The following RNF151 variants were observed in gnomAD, a reference collection of about 807,000 sequenced individuals.
The protein encoded by RNF151 is ring finger protein 151.
In RNF151, 9 loss-of-function variants were observed where a neutral mutation model predicts 11.1. That is an observed-to-expected ratio of 0.81 (90% CI 0.49 to 1.42). The LOEUF (loss-of-function observed/expected upper bound fraction) is 1.42. Among genes scored for constraint, RNF151 ranks in the 40% most tolerant of loss-of-function variants. The probability of loss-of-function intolerance (pLI) is 0.00; values close to 1 mark genes in which losing one functional copy is unlikely to be tolerated. For synonymous variants in RNF151, 172 were observed against 140.7 expected (o/e 1.22, Z -1.58); for missense variants, 372 against 342.9 (o/e 1.08, Z -0.67).
Position 1,968,425 on chromosome 16 carries a change from C to A in RNF151, c.247-9C>A. The A allele has an allele frequency of 1.3e-6, 2 of 1,535,058 alleles. No individual in the cohort carries two copies. Among genetic ancestry groups the A allele is most frequent in the Non-Finnish European group, 1.8e-6 (2 of 1,137,354 alleles). ...CCCGGTTTCTTCACACGTTCTCCTT[C>A]ACCCTCAGTGCAAGAACGCCGACGC... On this transcript the variant is annotated splice_polypyrimidine_tract_variant and intron_variant, in intron 3 of 3. Transcript: ENST00000569714.
chr16:1,967,282 G>A lies in RNF151; in HGVS notation c.12G>A (p.Gly4=). The A allele has an allele frequency of 1.2e-6, 2 of 1,613,146 alleles. No homozygotes were observed. Among genetic ancestry groups the A allele is most frequent in the Non-Finnish European group, 1.7e-6 (2 of 1,179,712 alleles). The part of the protein sequence containing the change: MGG[G]YDLNLFASPP... Reference sequence around the variant, plus strand: ...ACACCTGGCCTTTGCAGGGTGGCGGGTATGATCTCAACCTCTTCGCCAGCC... The same window carrying A: ...ACACCTGGCCTTTGCAGGGTGGCGGATATGATCTCAACCTCTTCGCCAGCC... Residue 4 remains glycine, a synonymous_variant, in exon 2 of 4, where the codon GGG becomes GGA. Coordinates refer to ENST00000569714, the MANE Select transcript of RNF151 (RefSeq NM_174903.6).
chr16:1,967,273 G>C lies in RNF151; in HGVS notation c.4-1G>C, dbSNP rs780977748. Reference sequence around the variant, plus strand: ...CAGGTGCTGACACCTGGCCTTTGCAGGGTGGCGGGTATGATCTCAACCTCT... The same window carrying C: ...CAGGTGCTGACACCTGGCCTTTGCACGGTGGCGGGTATGATCTCAACCTCT... On this transcript the variant is annotated splice_acceptor_variant, in intron 1 of 3. Transcript: ENST00000569714. LOFTEE classifies it high-confidence loss of function. The C allele has an allele frequency of 1.2e-6, 2 of 1,612,654 alleles. No individual in the cohort carries two copies. Among genetic ancestry groups the C allele is most frequent in the East Asian group, 4.5e-5 (2 of 44,874 alleles).
chr16:1,967,671 AC>A, intron 2 of RNF151, 53 bp from the exon 3 acceptor site: 1 of 1,428,726 alleles, frequency 7.0e-7, no homozygotes. Flanking sequence ...TGAGGGCTTG[AC>A]CAGGGCTCCC....
In RNF151 at chr16:1,968,536, G is replaced by A. The variant is rs768275377; in HGVS notation, c.349G>A (p.Gly117Ser). 4.3e-6 allele frequency: 7 copies of A among 1,609,372 alleles called. No homozygotes were observed. Among genetic ancestry groups the A allele is most frequent in the Non-Finnish European group, 4.2e-6 (5 of 1,178,546 alleles). Residue 117 changes from glycine (G) to serine (S), a missense_variant, in exon 4 of 4, where the codon GGC becomes AGC. Gly to Ser is a moderately conservative substitution (Grantham distance 56). Transcript: ENST00000569714. ...TGAGCTAACGGCCTGCCCCAACGAG[G>A]GCTGCACCTCGCAGGTGCCGCGTGG... ...PFELTACPNE[G>S]CTSQVPRGTL...
At chr16:1,968,393 T>C in intron 3 of RNF151, 41 bp from the exon 4 acceptor site, 2 of 1,478,636 alleles carry the variant, frequency 1.4e-6, no homozygotes, top group Non-Finnish European at 1.8e-6. Flanking sequence ...ATTCCGTGGG[T>C]GTCCTGCCCG....
At chr16:1,967,492 G>A in intron 2 of RNF151, 73 bp downstream of exon 2, 1 of 1,403,750 alleles carries the variant, frequency 7.1e-7, no homozygotes. Context: ...CCAGAACAGA[G>A]GGGAAAGTCA....
chr16:1,967,004 C>G (rs769028666), intron 1 of RNF151, 120 bp downstream of exon 1: 4 of 1,225,140 alleles, frequency 3.3e-6, no homozygotes, highest in Non-Finnish European at 4.6e-6. Context: ...GGTTGCAGAC[C>G]CCCATATGGT....
intron 1 of RNF151, among the ~76,000 whole-genome samples, 180 bp downstream of exon 1, chr16:1,967,064 GC>G (rs765891330): frequency 1.7e-4 from 26 of 152,146 alleles, no homozygotes; most frequent in African/African-American, 2.9e-4. Context: ...CCAGGCTAAG[GC>G]CCCCGTCTCC....
chr16:1,968,889 G>C lies in RNF151; in HGVS notation c.702G>C (p.Val234=). The stretch of plus-strand genomic sequence containing the variant: ...CAGAAGGCAACGTTGGGGCTGAGGT[G>C]GTGGGGGAGCCCAGGGCCAACATAC... The part of the protein sequence containing the change: ...AAPEGNVGAE[V]VGEPRANIPC... The change falls in exon 4 of 4, where the codon GTG becomes GTC. Residue 234 remains valine (V), a synonymous_variant. Transcript: ENST00000569714. The C allele has an allele frequency of 6.3e-7, 1 of 1,599,922 alleles. No individual in the cohort carries two copies. Among genetic ancestry groups the C allele is most frequent in the Non-Finnish European group, 8.5e-7 (1 of 1,174,048 alleles).
intron 1 of RNF151, 104 bp downstream of exon 1, chr16:1,966,988 G>C: frequency 1.5e-6 from 2 of 1,333,934 alleles, no homozygotes; most frequent in East Asian, 4.7e-5. Context: ...GAAAGGGTGG[G>C]CAATGGGTTG....
In RNF151 at chr16:1,968,707, C is replaced by T. The variant is rs376089444; in HGVS notation, c.520C>T (p.Arg174Cys). 87 of 1,565,520 alleles carry T rather than the reference C, an allele frequency of 5.6e-5. No individual in the cohort carries two copies. Among genetic ancestry groups the T allele is most frequent in the African/African-American group, 2.8e-4 (21 of 73,724 alleles). ...LHNAWSVRQE[R>C]RRPLLLSLLR... is the part of the protein sequence containing the mutation. ...CAACGCCTGGAGCGTGCGCCAGGAG[C>T]GCCGTCGGCCCCTGCTGCTGTCCCT... Residue 174 changes from arginine (R) to cysteine (C), a missense_variant, in exon 4 of 4, where the codon CGC becomes TGC. Arg to Cys is a radical substitution (Grantham distance 180, BLOSUM62 -3). Transcript: ENST00000569714.
chr16:1,968,458 A>T lies in RNF151; in HGVS notation c.271A>T (p.Ile91Leu), dbSNP rs374534118. ...GTGCAAGAACGCCGACGCTGGCTGC[A>T]TAGTGACATGCCCCCTGGCCCATCG... Reference protein sequence around the residue: ...VKCKNADAGCIVTCPLAHRKG... With the variant: ...VKCKNADAGCLVTCPLAHRKG... The change falls in exon 4 of 4, where the codon ATA (isoleucine) becomes TTA (leucine). Residue 91 changes from isoleucine to leucine, a missense_variant. Physicochemically the swap from Ile to Leu is conservative, Grantham distance 5 (BLOSUM62 2). Transcript: ENST00000569714. 76 of 1,572,276 alleles carry T rather than the reference A, an allele frequency of 4.8e-5. No homozygotes were observed. The highest frequency in any genetic ancestry group is 1.7e-4 in the Middle Eastern group (1 of 5,936).
At chr16:1,967,579 C>T in intron 2 of RNF151, 146 bp from the exon 3 acceptor site, 1 of 914,392 alleles carries the variant, frequency 1.1e-6, no homozygotes, top group Non-Finnish European at 1.7e-6. Context: ...CAGACCCCGG[C>T]CCCACCCTCA....
At chr16:1,968,404 G>A (rs945609777) in intron 3 of RNF151, 30 bp from the exon 4 acceptor site, 5 of 1,498,866 alleles carry the variant, frequency 3.3e-6, no homozygotes, top group Non-Finnish European at 4.5e-6. Flanking sequence ...GTCCTGCCCG[G>A]TTTCTTCACA....
At position 1,968,738 on chromosome 16, in the gene RNF151, G is replaced by GGCGTGT. The variant is rs1567321843; in HGVS notation, c.555_560dup (p.Val186_Arg187dup). ...CGGCCCCTGCTGCTGTCCCTCCTGC[G>GGCGTGT]GCGTGTGCGCTGGCTGGACCAAGCC... On this transcript the variant is annotated inframe_insertion, in exon 4 of 4. Transcript: ENST00000569714. 1 of 1,572,898 alleles carries GGCGTGT rather than the reference G, an allele frequency of 6.4e-7. No homozygotes were observed. The highest frequency in any genetic ancestry group is 8.6e-7 in the Non-Finnish European group (1 of 1,160,100).
At position 1,968,462 on chromosome 16, in the gene RNF151, TGACA is replaced by T. The variant is rs761851680; in HGVS notation, c.276_279del (p.Thr93AlafsTer17). ...AAGAACGCCGACGCTGGCTGCATAG[TGACA>T]TGCCCCCTGGCCCATCGCAAGGGGC... is the stretch of plus-strand genomic sequence containing the variant. On this transcript the variant is annotated frameshift_variant, in exon 4 of 4. Coordinates refer to ENST00000569714, the MANE Select transcript of RNF151 (RefSeq NM_174903.6). LOFTEE classifies it low-confidence loss of function (END_TRUNC). The T allele has an allele frequency of 1.1e-5, 17 of 1,572,748 alleles. No individual in the cohort carries two copies. Among genetic ancestry groups the T allele is most frequent in the Non-Finnish European group, 1.3e-5 (15 of 1,154,828 alleles).
chr16:1,968,886 G>C lies in RNF151; in HGVS notation c.699G>C (p.Glu233Asp). Residue 233 changes from glutamate to aspartate, a missense_variant, in exon 4 of 4, where the codon GAG becomes GAC. Physicochemically the swap from Glu to Asp is conservative, Grantham distance 45. Transcript: ENST00000569714. The stretch of plus-strand genomic sequence containing the variant: ...CCCCAGAAGGCAACGTTGGGGCTGA[G>C]GTGGTGGGGGAGCCCAGGGCCAACA... Reference protein sequence around the residue: ...EAAPEGNVGAEVVGEPRANIP... With the variant: ...EAAPEGNVGADVVGEPRANIP... 1 of 1,600,272 alleles carries C rather than the reference G, an allele frequency of 6.2e-7. No individual in the cohort carries two copies. Among genetic ancestry groups the C allele is most frequent in the South Asian group, 1.1e-5 (1 of 88,582 alleles).
At position 1,968,736 on chromosome 16, in the gene RNF151, G is replaced by A. The variant is rs1463102250; in HGVS notation, c.549G>A (p.Leu183=). Residue 183 remains leucine, a synonymous_variant, in exon 4 of 4, where the codon CTG becomes CTA. Coordinates refer to ENST00000569714, the MANE Select transcript of RNF151 (RefSeq NM_174903.6). ...GTCGGCCCCTGCTGCTGTCCCTCCT[G>A]CGGCGTGTGCGCTGGCTGGACCAAG... ...ERRRPLLLSL[L]RRVRWLDQAT... is the part of the protein sequence containing the mutation. 11 of 1,571,616 alleles carry A rather than the reference G, an allele frequency of 7.0e-6. No individual in the cohort carries two copies. The highest frequency in any genetic ancestry group is 1.4e-5 in the African/African-American group (1 of 73,822).
Position 1,968,770 on chromosome 16 carries a change from G to GTCGT in RNF151, c.588_591dup (p.Arg198SerfsTer2). The GTCGT allele has an allele frequency of 6.3e-7, 1 of 1,586,774 alleles. No individual in the cohort carries two copies. Among genetic ancestry groups the GTCGT allele is most frequent in the East Asian group, 2.3e-5 (1 of 43,206 alleles). ...GCGCTGGCTGGACCAAGCCACCAGT[G>GTCGT]TCGTTCGTAGAGAGCTGGCGGAGCT... is the stretch of plus-strand genomic sequence containing the variant. On this transcript the variant is annotated frameshift_variant, in exon 4 of 4. Transcript: ENST00000569714. LOFTEE classifies it low-confidence loss of function (END_TRUNC).
Sources: allele counts gnomAD v4.1 joint callset (sites outside exome capture counted in the v4.1 genomes callset), GRCh38; gene constraint gnomAD v4.1.1; transcripts MANE v1.5; gene names NCBI Gene and HGNC (gene_info 2026-07-23, HGNC 2026-07-21).